GRPR: variants seen among roughly 807,000 people sequenced by gnomAD.
GRPR encodes gastrin-releasing peptide receptor.
Under a neutral mutation model 15.6 loss-of-function variants are expected in GRPR, and 4 were observed. The observed-to-expected ratio is 0.26, with a 90% CI of 0.13 to 0.59. The LOEUF is 0.59. Ranked by LOEUF, GRPR falls within the 20% of genes least tolerant of loss-of-function variation. The pLI is 0.90. For synonymous variants in GRPR, 128 were observed against 126.8 expected (o/e 1.01, Z -0.06); for missense variants, 270 against 304.1 (o/e 0.89, Z 0.83).
chrX:16,127,367 C>T (rs1405738238), intron 1 of GRPR, among the ~76,000 whole-genome samples: 2 of 111,675 alleles, frequency 1.8e-5, no homozygotes, highest in Admixed American at 1.9e-4. Flanking sequence ...AAGGCAGTCC[C>T]AGAAACCAGA....
intron 2 of GRPR, among the ~76,000 whole-genome samples, chrX:16,151,884 A>G (rs1010816032): frequency 8.9e-6 from 1 of 111,817 alleles, no homozygotes; most frequent in Non-Finnish European, 1.9e-5. Flanking sequence ...CTCCTGAGGA[A>G]AAAGGGGGCA....
In GRPR at chrX:16,147,124, A is replaced by G. The variant is rs752738203; in HGVS notation, c.414-3181A>G. On this transcript the variant is annotated intron_variant, in intron 1 of 2. Coordinates refer to ENST00000380289, the MANE Select transcript of GRPR (RefSeq NM_005314.3). ...AGAAAATTGTTTGCAATGCATTTTA[A>G]CTTATTTTTAATTGCACAAGTGATA... Among the ~76,000 whole-genome samples, 8 of 111,946 alleles carry G rather than the reference A, an allele frequency of 7.1e-5. No homozygotes were observed. The East Asian group carries it at 2.2e-3, about 31-fold the overall frequency.
rs1922728968 is a variant in GRPR at position 16,152,555 on chromosome X, AACCTGCATG to A, written c.1070_1078del (p.Cys357_Thr359del). 5 of 1,204,631 alleles carry A rather than the reference AACCTGCATG, an allele frequency of 4.2e-6. No individual in the cohort carries two copies. The highest frequency in any genetic ancestry group is 2.2e-5 in the Admixed American group (1 of 45,810). Reference sequence around the variant, plus strand: ...GGTCTCACAGCACTGGAAGGAGTACAACCTGCATGACCTCCCTCAAGAGTACCAACCCCT... The same window carrying A: ...GGTCTCACAGCACTGGAAGGAGTACAACCTCCCTCAAGAGTACCAACCCCT... On this transcript the variant is annotated inframe_deletion, in exon 3 of 3. Transcript: ENST00000380289.
chrX:16,152,459 C>T lies in GRPR; in HGVS notation c.969C>T (p.Tyr323=). 8.3e-7 allele frequency: 1 copy of T among 1,209,668 alleles called. No homozygotes were observed. The highest frequency in any genetic ancestry group is 1.1e-6 in the Non-Finnish European group (1 of 893,518). Residue 323 remains tyrosine, a synonymous_variant, in exon 3 of 3, where the codon TAC becomes TAT. Transcript: ENST00000380289. The part of the protein sequence containing the change: ...TNSCVNPFAL[Y]LLSKSFRKQF... ...CCTGCGTGAACCCCTTTGCCCTCTA[C>T]CTGCTGAGCAAGAGTTTCAGGAAAC... is the stretch of plus-strand genomic sequence containing the variant.
chrX:16,124,031 G>A lies in GRPR; in HGVS notation c.78G>A (p.Ala26=), dbSNP rs771738135. 9.2e-6 allele frequency: 11 copies of A among 1,199,677 alleles called. No individual in the cohort carries two copies. Among genetic ancestry groups the A allele is most frequent in the African/African-American group, 1.8e-5 (1 of 56,851 alleles). The change falls in exon 1 of 3, where the codon GCG becomes GCA. Residue 26 remains alanine, a synonymous_variant. Transcript: ENST00000380289. The part of the protein sequence containing the change: ...FMHCNISSHS[A]DLPVNDDWSH... The stretch of plus-strand genomic sequence containing the variant: ...ACTGCAACATCTCCAGTCACAGTGC[G>A]GATCTCCCCGTGAACGATGACTGGT...
At chrX:16,128,029 T>C (rs916242315) in intron 1 of GRPR, among the ~76,000 whole-genome samples, 1 of 112,276 alleles carries the variant, frequency 8.9e-6, no homozygotes, top group Non-Finnish European at 1.9e-5. Context: ...TTAGGTAGAT[T>C]ATTAAGAATG....
In GRPR at chrX:16,124,212, C is replaced by A. The variant is rs76767277; in HGVS notation, c.259C>A (p.Leu87Met). 1.5e-3 allele frequency: 1,788 copies of A among 1,209,243 alleles called. 3 individuals carry two copies. Among genetic ancestry groups the A allele is most frequent in the Non-Finnish European group, 1.8e-3 (1,634 of 894,456 alleles). The change falls in exon 1 of 3, where the codon CTG becomes ATG. Residue 87 changes from leucine to methionine, a missense_variant. Physicochemically the swap from Leu to Met is conservative, Grantham distance 15. Around this residue, in one of 3 missense-constraint regions of GRPR, gnomAD observed 115 missense variants for 128.8 expected, o/e 0.89. Transcript: ENST00000380289. ...LFISSLALGD[L>M]LLLITCAPVD... ...CATTTCCAGTCTGGCTTTGGGAGACCTGCTCCTCCTAATAACGTGTGCTCC... is the reference window on the plus strand; with the variant it reads ...CATTTCCAGTCTGGCTTTGGGAGACATGCTCCTCCTAATAACGTGTGCTCC...
Position 16,129,607 on chromosome X carries a change from C to T in GRPR, c.413+5241C>T, listed in dbSNP as rs139863369. 7.9e-4 allele frequency among the ~76,000 whole-genome samples: 88 copies of T among 112,094 alleles called. 2 individuals carry two copies. The East Asian group carries it at 0.019, about 24-fold the overall frequency. ...CCTCAGATAGGCAAATATCAAATGC[C>T]TCCCAGCTGCACAGGCTCTTTCTGT... On this transcript the variant is annotated intron_variant, in intron 1 of 2. Coordinates refer to ENST00000380289, the MANE Select transcript of GRPR (RefSeq NM_005314.3).
rs1336759375 is a variant in GRPR, at chrX:16,152,660, T to C, written c.*15T>C. The C allele has an allele frequency of 8.3e-7, 1 of 1,198,601 alleles. No homozygotes were observed. The highest frequency in any genetic ancestry group is 1.8e-5 in the South Asian group (1 of 56,635). On this transcript the variant is annotated 3_prime_UTR_variant, in exon 3 of 3. Transcript: ENST00000380289. ...GGTATGTCTAGATTGACCCTTGATT[T>C]TGCCCCCTGAGGGACGGTTTTGCTT... is the stretch of plus-strand genomic sequence containing the variant.
chrX:16,144,437 G>A (rs1335660759), intron 1 of GRPR, among the ~76,000 whole-genome samples: 1 of 111,819 alleles, frequency 8.9e-6, no homozygotes, highest in Non-Finnish European at 1.9e-5. Flanking sequence ...TATACATTAG[G>A]ATTGCAGTGG....
chrX:16,132,965 C>T (rs1462127031), intron 1 of GRPR, among the ~76,000 whole-genome samples: 6 of 111,664 alleles, frequency 5.4e-5, no homozygotes, highest in Non-Finnish European at 9.4e-5. Flanking sequence ...CAAATATATT[C>T]GCTATTTGTA....
Position 16,150,493 on chromosome X carries a change from ACT to A in GRPR, c.605_606del (p.Ser202Ter), listed in dbSNP as rs767827742. ...TTCATTAGCTGTGCCCCATACCCAC[ACT>A]CTAATGAGCTTCACCCCAAAATCCA... On this transcript the variant is annotated frameshift_variant, in exon 2 of 3. Transcript: ENST00000380289. LOFTEE classifies it high-confidence loss of function. 2 of 1,206,673 alleles carry A rather than the reference ACT, an allele frequency of 1.7e-6. No individual in the cohort carries two copies. Among genetic ancestry groups the A allele is most frequent in the Non-Finnish European group, 1.1e-6 (1 of 891,837 alleles).
At position 16,124,167 on chromosome X, in the gene GRPR, C is replaced by A. The variant is rs758723725; in HGVS notation, c.214C>A (p.Arg72=). The change falls in exon 1 of 3, where the codon CGA becomes AGA. Residue 72 remains arginine, a synonymous_variant. Coordinates refer to ENST00000380289, the MANE Select transcript of GRPR (RefSeq NM_005314.3). Reference sequence around the variant, plus strand: ...GATCTTCTGTACAGTCAAGTCCATGCGAAACGTTCCAAACCTGTTCATTTC... The same window carrying A: ...GATCTTCTGTACAGTCAAGTCCATGAGAAACGTTCCAAACCTGTTCATTTC... The part of the protein sequence containing the change: ...IKIFCTVKSM[R]NVPNLFISSL... 1.9e-5 allele frequency: 23 copies of A among 1,207,410 alleles called. No homozygotes were observed. The highest frequency in any genetic ancestry group is 2.6e-5 in the Non-Finnish European group (23 of 892,883).
At chrX:16,139,462 T>A (rs1356761807) in intron 1 of GRPR, among the ~76,000 whole-genome samples, 3 of 98,106 alleles carry the variant, frequency 3.1e-5, no homozygotes, top group African/African-American at 8.6e-5. Flanking sequence ...TTTTTTGAGA[T>A]TTTTTTTTTT....
chrX:16,141,253 A>T (rs754732953), intron 1 of GRPR, among the ~76,000 whole-genome samples: 13 of 112,063 alleles, frequency 1.2e-4, no homozygotes, highest in Non-Finnish European at 2.4e-4. Flanking sequence ...TTGAAATTGG[A>T]TCACTCTGCT....
chrX:16,134,877 G>A (rs767817293), intron 1 of GRPR, among the ~76,000 whole-genome samples: 77 of 111,062 alleles, frequency 6.9e-4, no homozygotes, highest in African/African-American at 2.4e-3. Context: ...TATTACCTTG[G>A]TATTTCTCTG....
chrX:16,135,416 C>A (rs1922433951), intron 1 of GRPR, among the ~76,000 whole-genome samples: 1 of 111,776 alleles, frequency 8.9e-6, no homozygotes, highest in Non-Finnish European at 1.9e-5. Flanking sequence ...GTATTGTACT[C>A]AGGCTAGCTG....
intron 1 of GRPR, among the ~76,000 whole-genome samples, chrX:16,134,400 A>C (rs1922419589): frequency 8.9e-6 from 1 of 112,407 alleles, no homozygotes. Context: ...TAAGCCTAAT[A>C]TGTAGAACCT....
At chrX:16,131,315 TC>T (rs1922373527) in intron 1 of GRPR, among the ~76,000 whole-genome samples, 1 of 112,162 alleles carries the variant, frequency 8.9e-6, no homozygotes, top group African/African-American at 3.2e-5. Context: ...ATTCTCCATT[TC>T]TTCTTTTTAT....
Sources: gnomAD v4.1 joint callset for allele counts (sites outside exome capture counted in the v4.1 genomes callset) on GRCh38, gnomAD v4.1.1 for gene constraint, gnomAD v4.1.1 regional missense constraint, MANE v1.5 for transcripts, NCBI Gene and HGNC (gene_info 2026-07-23, HGNC 2026-07-21) for gene names.